The following PRDM9 variants were observed in gnomAD, a reference collection of about 807,000 sequenced individuals.
The protein encoded by PRDM9 is histone-lysine N-methyltransferase PRDM9.
PRDM9 carries 47 observed loss-of-function variants against 55.6 expected under a neutral mutation model. That is an observed-to-expected ratio of 0.85 (90% CI 0.67 to 1.08). The LOEUF (loss-of-function observed/expected upper bound fraction) is 1.08. Among genes scored for constraint, PRDM9 ranks in the 50% least tolerant of loss-of-function variants. The pLI, the probability that PRDM9 is intolerant of heterozygous loss-of-function variation, is 0.00. For synonymous variants in PRDM9, 312 were observed against 375.7 expected (o/e 0.83, Z 1.96); for missense variants, 867 against 1,040.3 (o/e 0.83, Z 2.29).
chr5:23,508,986 T>C lies in PRDM9; in HGVS notation c.-48T>C. 6.2e-7 allele frequency: 1 copy of C among 1,607,908 alleles called. No individual in the cohort carries two copies. Among genetic ancestry groups the C allele is most frequent in the Non-Finnish European group, 8.5e-7 (1 of 1,175,400 alleles). ...CTAGGAGCTGGGAGACTCAGGGCCC[T>C]TCTCACACTCAGAATTGGAGCAGGG... On this transcript the variant is annotated 5_prime_UTR_variant, in exon 2 of 11. Transcript: ENST00000296682.
At chr5:23,516,383 T>A (rs956718891) in intron 4 of PRDM9, among the ~76,000 whole-genome samples, 3 of 152,160 alleles carry the variant, frequency 2.0e-5, no homozygotes, top group African/African-American at 2.4e-5. Flanking sequence ...GTATTATTAT[T>A]ATTTTTTTAG....
chr5:23,518,680 T>A (rs546335309), intron 5 of PRDM9, among the ~76,000 whole-genome samples: 74 of 152,178 alleles, frequency 4.9e-4, no homozygotes, highest in Non-Finnish European at 8.8e-4. Context: ...ATAGGTTACA[T>A]CCTATTAAGT....
In PRDM9 at chr5:23,527,480, C is replaced by T; in HGVS notation, c.2392C>T (p.His798Tyr). Residue 798 changes from histidine (H) to tyrosine (Y), a missense_variant, in exon 11 of 11, where the codon CAC becomes TAC. Transcript: ENST00000296682. ...KSNLLSHQRT[H>Y]TGEKPYVCRE... ...AAACCTCCTCAGTCACCAGAGGACA[C>T]ACACAGGGGAGAAGCCCTATGTCTG... 6.3e-7 allele frequency: 1 copy of T among 1,585,158 alleles called. No individual in the cohort carries two copies. The highest frequency in any genetic ancestry group is 8.5e-7 in the Non-Finnish European group (1 of 1,171,054).
chr5:23,508,349 C>T (rs1468092512), intron 1 of PRDM9, among the ~76,000 whole-genome samples: 1 of 152,022 alleles, frequency 6.6e-6, no homozygotes, highest in East Asian at 1.9e-4. Context: ...AGCTCCTCAG[C>T]TCGAGATACC....
At chr5:23,511,585 G>A (rs1415511085) in intron 4 of PRDM9, among the ~76,000 whole-genome samples, 1 of 152,034 alleles carries the variant, frequency 6.6e-6, no homozygotes. Context: ...ACCCACCTCA[G>A]TCCACCCGCC....
Position 23,527,992 on chromosome 5 carries a change from G to T in PRDM9, c.*219G>T. On this transcript the variant is annotated 3_prime_UTR_variant, in exon 11 of 11. Transcript: ENST00000296682. ...AGGGATAGTTCTGTAAGTGTTCGGG[G>T]GACATCAGCATGTGTGGTTCTTTCC... 5 of 684,198 alleles carry T rather than the reference G, an allele frequency of 7.3e-6. No individual in the cohort carries two copies. The highest frequency in any genetic ancestry group is 1.2e-5 in the Non-Finnish European group (5 of 405,336). 42.4% of individuals were successfully genotyped at this position (684,198 alleles called of 1,614,324 possible). A position where few individuals can be genotyped will look rare whatever the true frequency, so the allele number is the denominator to read the frequency against.
chr5:23,509,232 AG>A, intron 2 of PRDM9, 130 bp downstream of exon 2: 2 of 1,378,816 alleles, frequency 1.5e-6, no homozygotes, highest in East Asian at 4.8e-5. Context: ...GGTCCTGGCC[AG>A]GACATGGGGG....
intron 5 of PRDM9, among the ~76,000 whole-genome samples, chr5:23,520,070 G>A (rs1396103613): frequency 1.4e-5 from 2 of 140,038 alleles, no homozygotes; most frequent in African/African-American, 2.7e-5. Context: ...AAAAGAATTA[G>A]CATGGTCTGA....
At chr5:23,522,920 TC>T in intron 8 of PRDM9, 35 bp downstream of exon 8, 1 of 1,614,244 alleles carries the variant, frequency 6.2e-7, no homozygotes, top group East Asian at 2.2e-5. Context: ...TGTTCTGTCT[TC>T]CCACATCCCT....
intron 5 of PRDM9, among the ~76,000 whole-genome samples, chr5:23,519,344 G>T (rs763833362): frequency 1.3e-5 from 2 of 152,000 alleles, no homozygotes; most frequent in Non-Finnish European, 2.9e-5. Context: ...ACATATGTGA[G>T]CCATTGCACC....
intron 4 of PRDM9, among the ~76,000 whole-genome samples, chr5:23,513,878 C>CAAAACA (rs1014954934): frequency 2.6e-5 from 4 of 151,884 alleles, no homozygotes; most frequent in Non-Finnish European, 2.9e-5. Flanking sequence ...GACGCCGTGT[C>CAAAACA]AAAACAAAAA....
intron 3 of PRDM9, 89 bp downstream of exon 3, chr5:23,509,682 T>A: frequency 6.2e-7 from 1 of 1,600,600 alleles, no homozygotes; most frequent in Non-Finnish European, 8.6e-7. Context: ...GGTGGTGGCA[T>A]CTGCCCACAA....
intron 4 of PRDM9, among the ~76,000 whole-genome samples, chr5:23,514,799 T>G (rs1007476767): frequency 2.6e-5 from 4 of 151,988 alleles, no homozygotes; most frequent in African/African-American, 7.2e-5. Context: ...TATCCCTAAT[T>G]ACCTACCAGT....
At chr5:23,512,302 A>C (rs1177312841) in intron 4 of PRDM9, among the ~76,000 whole-genome samples, 1 of 152,188 alleles carries the variant, frequency 6.6e-6, no homozygotes, top group Admixed American at 6.5e-5. Context: ...ATAATGTATC[A>C]TAATTATAAA....
At chr5:23,523,010 G>C in intron 8 of PRDM9, 125 bp downstream of exon 8, 1 of 1,531,450 alleles carries the variant, frequency 6.5e-7, no homozygotes, top group Non-Finnish European at 9.0e-7. Flanking sequence ...GTGTACTCAA[G>C]GTTCTTTGCA....
chr5:23,521,431 T>G (rs1396521233), intron 6 of PRDM9, among the ~76,000 whole-genome samples: 1 of 152,192 alleles, frequency 6.6e-6, no homozygotes, highest in South Asian at 2.1e-4. Flanking sequence ...TCTGCCTCCA[T>G]GAAAATAGAT....
At chr5:23,512,159 A>T (rs1406005222) in intron 4 of PRDM9, among the ~76,000 whole-genome samples, 1 of 152,206 alleles carries the variant, frequency 6.6e-6, no homozygotes, top group Non-Finnish European at 1.5e-5. Context: ...ACATTTAATC[A>T]TACTATATGA....
At chr5:23,513,668 T>A (rs1353067452) in intron 4 of PRDM9, among the ~76,000 whole-genome samples, 1 of 151,862 alleles carries the variant, frequency 6.6e-6, no homozygotes, top group Non-Finnish European at 1.5e-5. Flanking sequence ...GATCATGAGG[T>A]CAGGAGTTTG....
intron 1 of PRDM9, 84 bp from the exon 2 acceptor site, chr5:23,508,866 A>T (rs889646829): frequency 1.3e-6 from 1 of 759,918 alleles, no homozygotes; most frequent in African/African-American, 1.8e-5. Context: ...TGCTCTGAAC[A>T]CCCAGCCAGA....
Sources: gnomAD v4.1 joint callset for allele counts (sites outside exome capture counted in the v4.1 genomes callset) on GRCh38, gnomAD v4.1.1 for gene constraint, MANE v1.5 for transcripts, NCBI Gene and HGNC (gene_info 2026-07-23, HGNC 2026-07-21) for gene names.